MTUS1: variants seen among roughly 807,000 people sequenced by gnomAD.
MTUS1 encodes the protein microtubule associated scaffold protein 1, also known as microtubule-associated tumor suppressor 1.
In MTUS1, 109 loss-of-function variants were observed where a neutral mutation model predicts 120.8. The observed-to-expected ratio is 0.90, with a 90% CI of 0.77 to 1.06. The LOEUF is 1.06. Among genes scored for constraint, MTUS1 ranks in the 50% least tolerant of loss-of-function variants. The probability of loss-of-function intolerance (pLI) is 0.00; values close to 1 mark genes in which losing one functional copy is unlikely to be tolerated. For missense variants in MTUS1, 2,210 were observed against 1,486.3 expected, an observed-to-expected ratio of 1.49 and a Z score of -8.01; for synonymous variants, 737 against 550.5, an observed-to-expected ratio of 1.34 and a Z score of -4.74.
At chr8:17,688,652 G>C (rs1816335052) in intron 6 of MTUS1, among the ~76,000 whole-genome samples, 1 of 152,138 alleles carries the variant, frequency 6.6e-6, no homozygotes, top group African/African-American at 2.4e-5. Flanking sequence ...AGTTTCCCCA[G>C]CATCTGGTGG....
At chr8:17,733,549 G>T (rs1269238382) in intron 3 of MTUS1, among the ~76,000 whole-genome samples, 3 of 152,048 alleles carry the variant, frequency 2.0e-5, no homozygotes, top group Non-Finnish European at 4.4e-5. Flanking sequence ...TAGCCTACTG[G>T]GAAGAGAGTA....
chr8:17,767,700 T>TAAGAAAAAAAAAAAAAAAAAAAAAAA lies in MTUS1; in HGVS notation c.-154-11740_-154-11739insTTTTTTTTTTTTTTTTTTTTTTTCTT, dbSNP rs1554533204. Among the ~76,000 whole-genome samples the TAAGAAAAAAAAAAAAAAAAAAAAAAA allele has an allele frequency of 1.8e-4, 16 of 87,870 alleles. 1 individual carries two copies. The highest frequency in any genetic ancestry group is 8.1e-4 in the African/African-American group (16 of 19,660). The allele number at this position is 87,870 out of a possible 152,430, so 57.6% of individuals were successfully genotyped here. A position where few individuals can be genotyped will look rare whatever the true frequency, so the allele number is the denominator to read the frequency against. ...GGTGATAGAGCAAGACCCTGTCTCT[T>TAAGAAAAAAAAAAAAAAAAAAAAAAA]AAAAAAAAAAAAAAAAAACGGTGTG... is the stretch of plus-strand genomic sequence containing the variant. On this transcript the variant is annotated intron_variant, in intron 1 of 14. Coordinates refer to ENST00000693296, the MANE Select transcript of MTUS1 (RefSeq NM_001363059.2).
intron 12 of MTUS1, among the ~76,000 whole-genome samples, chr8:17,652,905 A>G (rs959278448): frequency 1.3e-5 from 2 of 151,754 alleles, no homozygotes; most frequent in East Asian, 3.8e-4. Context: ...TTTTTTAAAT[A>G]AAGTCTTCAC....
At chr8:17,661,283 C>A (rs1183484972) in intron 8 of MTUS1, among the ~76,000 whole-genome samples, 3 of 152,134 alleles carry the variant, frequency 2.0e-5, no homozygotes, top group Admixed American at 1.3e-4. Flanking sequence ...CAGAGAAATT[C>A]TAGTTTCACG....
intron 13 of MTUS1, among the ~76,000 whole-genome samples, chr8:17,648,273 T>C (rs774615265): frequency 1.3e-5 from 2 of 152,214 alleles, no homozygotes; most frequent in Admixed American, 6.5e-5. Flanking sequence ...CTCCCTCTCA[T>C]TGTATCAACT....
chr8:17,728,070 C>A (rs1334413699), intron 3 of MTUS1, among the ~76,000 whole-genome samples: 3 of 152,172 alleles, frequency 2.0e-5, no homozygotes, highest in Non-Finnish European at 4.4e-5. Flanking sequence ...AAGTGAACAA[C>A]AGGATAGTGT....
chr8:17,724,494 T>C (rs1248037811), intron 3 of MTUS1, among the ~76,000 whole-genome samples: 2 of 152,148 alleles, frequency 1.3e-5, no homozygotes, highest in African/African-American at 4.8e-5. Context: ...TAAGATTTTT[T>C]TTTTTAATCT....
chr8:17,707,976 C>A (rs1336843232), intron 6 of MTUS1, among the ~76,000 whole-genome samples: 3 of 152,126 alleles, frequency 2.0e-5, no homozygotes, highest in Non-Finnish European at 4.4e-5. Context: ...AGAAACCTAA[C>A]TATAACAGCT....
chr8:17,661,557 T>A (rs1252722995), intron 8 of MTUS1, among the ~76,000 whole-genome samples: 3 of 152,102 alleles, frequency 2.0e-5, no homozygotes, highest in Non-Finnish European at 1.5e-5. Flanking sequence ...AATATGTAAT[T>A]GTGGCACATC....
At chr8:17,756,749 G>A (rs1396106698) in intron 1 of MTUS1, among the ~76,000 whole-genome samples, 1 of 137,726 alleles carries the variant, frequency 7.3e-6, no homozygotes, top group African/African-American at 2.7e-5. Flanking sequence ...CATAAGCGTG[G>A]AGTGCTGATC....
chr8:17,739,626 A>C (rs1039343943), intron 3 of MTUS1, among the ~76,000 whole-genome samples: 1 of 152,186 alleles, frequency 6.6e-6, no homozygotes, highest in Non-Finnish European at 1.5e-5. Flanking sequence ...GCCACTTTCC[A>C]GCTGTTTAAC....
Position 17,753,789 on chromosome 8 carries a change from C to G in MTUS1, c.2019G>C (p.Gly673=), listed in dbSNP as rs1332976121. 6.2e-7 allele frequency: 1 copy of G among 1,613,476 alleles called. No homozygotes were observed. Among genetic ancestry groups the G allele is most frequent in the Non-Finnish European group, 8.5e-7 (1 of 1,179,910 alleles). ...TCAGCTCTTGTTTTTCCATAGATGT[C>G]CCATTTTCTTTTTCACCCTTCTTTT... ...SPEKKGEKEN[G]TSMEKQELKQ... The change falls in exon 2 of 15, where the codon GGG becomes GGC. Residue 673 remains glycine (G), a synonymous_variant. Coordinates refer to ENST00000693296, the MANE Select transcript of MTUS1 (RefSeq NM_001363059.2).
chr8:17,755,413 A>G lies in MTUS1; in HGVS notation c.395T>C (p.Val132Ala). The G allele has an allele frequency of 6.2e-7, 1 of 1,614,256 alleles. No homozygotes were observed. Among genetic ancestry groups the G allele is most frequent in the Non-Finnish European group, 8.5e-7 (1 of 1,180,048 alleles). Residue 132 changes from valine (V) to alanine (A), a missense_variant, in exon 2 of 15, where the codon GTT (valine) becomes GCT (alanine). Coordinates refer to ENST00000693296, the MANE Select transcript of MTUS1 (RefSeq NM_001363059.2). Reference protein sequence around the residue: ...HSLEAVEGQSVEPSLPFVWKP... With the variant: ...HSLEAVEGQSAEPSLPFVWKP... ...CCACACAAAAGGCAAAGATGGCTCA[A>G]CACTCTGGCCCTCAACTGCTTCTAG...
intron 6 of MTUS1, among the ~76,000 whole-genome samples, chr8:17,687,539 T>G (rs1816082078): frequency 6.6e-6 from 1 of 152,216 alleles, no homozygotes; most frequent in African/African-American, 2.4e-5. Flanking sequence ...AAGTATAAAT[T>G]ATTTTGTTTA....
chr8:17,780,596 A>G (rs1162527490), intron 1 of MTUS1, among the ~76,000 whole-genome samples: 1 of 152,218 alleles, frequency 6.6e-6, no homozygotes, highest in African/African-American at 2.4e-5. Context: ...AGCAACTCCG[A>G]CAGGCACTGC....
intron 1 of MTUS1, among the ~76,000 whole-genome samples, chr8:17,761,987 G>A (rs1237821746): frequency 6.6e-6 from 1 of 152,156 alleles, no homozygotes; most frequent in South Asian, 2.1e-4. Context: ...TACTAAAAAC[G>A]AAGCAGTTGA....
At chr8:17,653,530 T>G in intron 10 of MTUS1, 32 bp from the exon 11 acceptor site, 2 of 1,484,250 alleles carry the variant, frequency 1.3e-6, no homozygotes, top group Non-Finnish European at 1.9e-6. Context: ...TTTGAGGCAA[T>G]AACATTCTAT....
Position 17,644,533 on chromosome 8 carries a change from A to G in MTUS1, c.*1393T>C, listed in dbSNP as rs991605874. On this transcript the variant is annotated 3_prime_UTR_variant, in exon 15 of 15. Transcript: ENST00000693296. ...AGTTTTGGAAAGAAACTGAAATGCA[A>G]CCTGGAGGAGAGTTGGACAAGCCAC... 4.6e-5 allele frequency: 7 copies of G among 152,402 alleles called. No individual in the cohort carries two copies. The highest frequency in any genetic ancestry group is 1.3e-4 in the Admixed American group (2 of 15,298). 9.4% of individuals were successfully genotyped at this position (152,402 alleles called of 1,614,324 possible).
At position 17,710,962 on chromosome 8, in the gene MTUS1, G is replaced by A. The variant is rs189689190; in HGVS notation, c.2623+2252C>T. Among the ~76,000 whole-genome samples the A allele has an allele frequency of 3.9e-3, 587 of 152,154 alleles. 4 individuals are homozygous for A. The highest frequency in any genetic ancestry group is 0.01 in the Middle Eastern group (3 of 292). Reference sequence around the variant, plus strand: ...TGGGTGACCAGGTGCACTGTCAGTCGGCAGTAGTATTTTGAAAGACATCTC... The same window carrying A: ...TGGGTGACCAGGTGCACTGTCAGTCAGCAGTAGTATTTTGAAAGACATCTC... On this transcript the variant is annotated intron_variant, in intron 6 of 14. Coordinates refer to ENST00000693296, the MANE Select transcript of MTUS1 (RefSeq NM_001363059.2).
Sources: gnomAD v4.1 joint callset for allele counts (sites outside exome capture counted in the v4.1 genomes callset) on GRCh38, gnomAD v4.1.1 for gene constraint, MANE v1.5 for transcripts, NCBI Gene and HGNC (gene_info 2026-07-23, HGNC 2026-07-21) for gene names.